The following QSER1 variants were observed in gnomAD, a reference collection of about 807,000 sequenced individuals.
QSER1 encodes glutamine and serine rich 1, also known as glutamine and serine-rich protein 1.
A neutral mutation model predicts 158.5 loss-of-function variants in QSER1; 49 were observed. The ratio of observed to expected loss-of-function variants is 0.31; its 90% CI spans 0.25 to 0.39. QSER1 has a LOEUF of 0.39. Ranked by LOEUF, QSER1 falls within the 10% of genes least tolerant of loss-of-function variation. QSER1 has a pLI of 1.00. For synonymous variants in QSER1, 650 were observed against 715.5 expected (o/e 0.91, Z 1.46); for missense variants, 1,754 against 2,010.3 (o/e 0.87, Z 2.44).
chr11:32,904,194 T>C (rs958466077), intron 1 of QSER1, among the ~76,000 whole-genome samples: 43 of 151,138 alleles, frequency 2.8e-4, no homozygotes, highest in Non-Finnish European at 4.7e-4. Flanking sequence ...TTTTTCTTTT[T>C]TTTTTTTTTT....
Position 32,893,364 on chromosome 11 carries a change from G to A in QSER1, c.209+30G>A, listed in dbSNP as rs1420441216. On this transcript the variant is annotated intron_variant, in intron 1 of 12. Coordinates refer to ENST00000650167, the MANE Select transcript of QSER1 (RefSeq NM_001076786.3). The surrounding 1 kb of genome is among the most constrained non-coding windows in gnomAD (Gnocchi z 4.7). ...GGAGGGTGGGCGGCGGGGTCGCGGT[G>A]GACCAGGAAAGGCCGGGGATGCGTT... is the stretch of plus-strand genomic sequence containing the variant. 1 of 152,528 alleles carries A rather than the reference G, an allele frequency of 6.6e-6. No homozygotes were observed. The highest frequency in any genetic ancestry group is 2.4e-5 in the African/African-American group (1 of 41,424). 9.4% of individuals were successfully genotyped at this position (152,528 alleles called of 1,614,324 possible).
At chr11:32,926,305 A>C (rs1342383589) in intron 1 of QSER1, among the ~76,000 whole-genome samples, 1 of 152,202 alleles carries the variant, frequency 6.6e-6, no homozygotes, top group South Asian at 2.1e-4. Flanking sequence ...AATATGACCT[A>C]TATATTACAT....
At position 32,978,198 on chromosome 11, in the gene QSER1, A is replaced by AT. The variant is rs1264445655; in HGVS notation, c.*1724_*1725insT. On this transcript the variant is annotated 3_prime_UTR_variant, in exon 13 of 13. Coordinates refer to ENST00000650167, the MANE Select transcript of QSER1 (RefSeq NM_001076786.3). ...AATGTTCCATTTTTGAAAGTTTTAA[A>AT]AAACCTGTTTGGGTGGTTTATTTTG... is the stretch of plus-strand genomic sequence containing the variant. The AT allele has an allele frequency of 1.3e-5, 2 of 152,626 alleles. No individual in the cohort carries two copies. Among genetic ancestry groups the AT allele is most frequent in the East Asian group, 3.8e-4 (2 of 5,208 alleles). 9.5% of individuals were successfully genotyped at this position (152,626 alleles called of 1,614,324 possible). A position where few individuals can be genotyped will look rare whatever the true frequency, so the allele number is the denominator to read the frequency against.
chr11:32,925,542 T>A (rs536193188), intron 1 of QSER1, among the ~76,000 whole-genome samples: 15 of 116,746 alleles, frequency 1.3e-4, no homozygotes, highest in African/African-American at 4.1e-4. Context: ...TTATTTATTT[T>A]TTGCAGACAG....
At position 32,909,274 on chromosome 11, in the gene QSER1, AT is replaced by A. The variant is rs376808161; in HGVS notation, c.209+15941del. Among the ~76,000 whole-genome samples the A allele has an allele frequency of 3.9e-5, 6 of 152,344 alleles. No homozygotes were observed. In the East Asian group the frequency reaches 1.2e-3, roughly 29 times the overall value. On this transcript the variant is annotated intron_variant, in intron 1 of 12. Transcript: ENST00000650167. The stretch of plus-strand genomic sequence containing the variant: ...TTGAAAAGTTTAGCATGTTTGACTC[AT>A]CTGCCTCTTCTACCTCTATTTTCTC...
chr11:32,940,358 C>T (rs1268581973), intron 4 of QSER1, among the ~76,000 whole-genome samples: 1 of 152,130 alleles, frequency 6.6e-6, no homozygotes, highest in African/African-American at 2.4e-5. Flanking sequence ...ATCATGATCC[C>T]TGCTTGGTCA....
intron 1 of QSER1, among the ~76,000 whole-genome samples, chr11:32,924,244 G>A (rs865883369): frequency 9.4e-5 from 1 of 10,634 alleles, no homozygotes; most frequent in African/African-American, 1.4e-4. Context: ...AATTCACACT[G>A]AGCAAAAATT....
At chr11:32,919,620 C>T (rs554911260) in intron 1 of QSER1, among the ~76,000 whole-genome samples, 1 of 152,270 alleles carries the variant, frequency 6.6e-6, no homozygotes, top group East Asian at 1.9e-4. Flanking sequence ...GGTTTCTACA[C>T]TGTAAAGTTA....
chr11:32,956,295 A>G (rs1852511019), intron 7 of QSER1, among the ~76,000 whole-genome samples, 174 bp downstream of exon 7: 1 of 152,160 alleles, frequency 6.6e-6, no homozygotes, highest in South Asian at 2.1e-4. Context: ...TGGGCACTGT[A>G]AAGCTCATGG....
intron 1 of QSER1, among the ~76,000 whole-genome samples, chr11:32,896,088 A>G (rs1355330105): frequency 6.6e-6 from 1 of 152,218 alleles, no homozygotes; most frequent in Non-Finnish European, 1.5e-5. Flanking sequence ...ATGAATGAAC[A>G]TGTCCTTTGC....
At chr11:32,945,312 A>T (rs572090961) in intron 4 of QSER1, among the ~76,000 whole-genome samples, 2 of 150,662 alleles carry the variant, frequency 1.3e-5, no homozygotes, top group South Asian at 4.2e-4. Context: ...TCGTTAGTTG[A>T]TTCAGTTTCT....
At chr11:32,973,040 C>T (rs1049177167) in intron 10 of QSER1, among the ~76,000 whole-genome samples, 9 of 152,184 alleles carry the variant, frequency 5.9e-5, no homozygotes, top group Non-Finnish European at 1.2e-4. Flanking sequence ...AAGCCAGAGA[C>T]ATTACTAGAA....
chr11:32,909,874 G>C (rs1851744629), intron 1 of QSER1, among the ~76,000 whole-genome samples: 1 of 152,100 alleles, frequency 6.6e-6, no homozygotes, highest in African/African-American at 2.4e-5. Flanking sequence ...GATTCCCTTG[G>C]TATCGATTTT....
At chr11:32,962,152 TTC>T (rs1852636683) in intron 8 of QSER1, among the ~76,000 whole-genome samples, 1 of 152,196 alleles carries the variant, frequency 6.6e-6, no homozygotes, top group South Asian at 2.1e-4. Flanking sequence ...ACTTGTTATT[TTC>T]TGTTTGTGTG....
At chr11:32,941,238 T>TA in intron 4 of QSER1, among the ~76,000 whole-genome samples, 3 of 150,296 alleles carry the variant, frequency 2.0e-5, no homozygotes, top group African/African-American at 7.3e-5. Context: ...TTATTATTAT[T>TA]TTTAATTATT....
Position 32,976,482 on chromosome 11 carries a change from A to G in QSER1, c.*8A>G. 1 of 1,610,482 alleles carries G rather than the reference A, an allele frequency of 6.2e-7. No individual in the cohort carries two copies. The highest frequency in any genetic ancestry group is 2.2e-5 in the East Asian group (1 of 44,680). On this transcript the variant is annotated 3_prime_UTR_variant, in exon 13 of 13. Coordinates refer to ENST00000650167, the MANE Select transcript of QSER1 (RefSeq NM_001076786.3). ...CAGCAGAAATGTTCCTGACTTTTCC[A>G]CAAAAATCCCATCTTTTTATAGCAC...
chr11:32,937,143 AATC>A (rs1375790443), intron 4 of QSER1, among the ~76,000 whole-genome samples: 1 of 152,184 alleles, frequency 6.6e-6, no homozygotes, highest in African/African-American at 2.4e-5. Flanking sequence ...TTTTAGTTAA[AATC>A]ATCATCATAA....
chr11:32,971,198 G>T (rs1235649189), intron 10 of QSER1, among the ~76,000 whole-genome samples: 1 of 152,066 alleles, frequency 6.6e-6, no homozygotes, highest in Non-Finnish European at 1.5e-5. Flanking sequence ...GATTACAGGT[G>T]TAATCCATGC....
rs1176651515 is a variant in QSER1 at position 32,931,838 on chromosome 11, A to G, written c.580A>G (p.Thr194Ala). 2 of 1,614,132 alleles carry G rather than the reference A, an allele frequency of 1.2e-6. No homozygotes were observed. The highest frequency in any genetic ancestry group is 3.3e-5 in the Admixed American group (2 of 60,026). The change falls in exon 4 of 13, where the codon ACC (threonine) becomes GCC (alanine). Residue 194 changes from threonine to alanine, a missense_variant. This residue lies in a region of QSER1 where 1,707 missense variants were observed against 1,919.6 expected (regional missense o/e 0.89). Transcript: ENST00000650167. ...PPSLSAYQHPTTFSNRNFATT... is the reference protein window; with the variant it reads ...PPSLSAYQHPATFSNRNFATT... Reference sequence around the variant, plus strand: ...ATCTCTCTCTGCTTATCAGCATCCCACCACCTTCAGCAATAGAAACTTTGC... The same window carrying G: ...ATCTCTCTCTGCTTATCAGCATCCCGCCACCTTCAGCAATAGAAACTTTGC...
Sources: allele counts gnomAD v4.1 joint callset (sites outside exome capture counted in the v4.1 genomes callset), GRCh38; gene constraint gnomAD v4.1.1; regional missense constraint gnomAD v4.1.1; non-coding constraint Gnocchi (gnomAD v3.1); transcripts MANE v1.5; gene names NCBI Gene and HGNC (gene_info 2026-07-23, HGNC 2026-07-21).